Variants in SLFN12 observed in about 807,000 individuals in gnomAD.
The protein encoded by SLFN12 is ribonuclease SLFN12.
A neutral mutation model predicts 29.1 loss-of-function variants in SLFN12; 25 were observed. The observed-to-expected ratio is 0.86, with a 90% CI of 0.63 to 1.20. The LOEUF is 1.20. Among genes scored for constraint, SLFN12 ranks in the 50% most tolerant of loss-of-function variants. SLFN12 has a pLI of 0.00. For missense variants in SLFN12, 660 were observed against 666.2 expected (o/e 0.99, Z 0.10); for synonymous variants, 257 against 238.7 (o/e 1.08, Z -0.71).
At position 35,411,775 on chromosome 17, in the gene SLFN12, A is replaced by C; in HGVS notation, c.1300T>G (p.Leu434Val). 6.2e-7 allele frequency: 1 copy of C among 1,614,084 alleles called. No homozygotes were observed. The highest frequency in any genetic ancestry group is 8.5e-7 in the Non-Finnish European group (1 of 1,180,014). Residue 434 changes from leucine to valine, a missense_variant, in exon 4 of 4, where the codon TTG becomes GTG. Transcript: ENST00000304905. Reference protein sequence around the residue: ...FSRSWSVDLGLQENHKVLCDA... With the variant: ...FSRSWSVDLGVQENHKVLCDA... ...CAGAGGACTTTGTGGTTCTCTTGCA[A>C]GCCCAGATCCACAGACCAGCTCCTA...
intron 2 of SLFN12, among the ~76,000 whole-genome samples, chr17:35,421,741 A>T (rs1036108214): frequency 2.0e-5 from 3 of 151,858 alleles, no homozygotes; most frequent in Non-Finnish European, 4.4e-5. Context: ...GGGTTTCACC[A>T]TCTTAGCCAG....
chr17:35,414,289 T>A (rs1199802398), intron 3 of SLFN12, among the ~76,000 whole-genome samples: 3 of 152,012 alleles, frequency 2.0e-5, no homozygotes, highest in Non-Finnish European at 4.4e-5. Context: ...ATTTTCAGAA[T>A]ACAAAAATCA....
In SLFN12 at chr17:35,412,783, C is replaced by T. The variant is rs17400686; in HGVS notation, c.1148-856G>A. 4.6e-3 allele frequency among the ~76,000 whole-genome samples: 701 copies of T among 151,838 alleles called. 4 individuals are homozygous for T. The highest frequency in any genetic ancestry group is 0.016 in the African/African-American group (655 of 41,428). ...GATCAGAGAAAAAGACTGACAAGTGCTTCAGATATTGTAGTTATCAAAGAG... is the reference window on the plus strand; with the variant it reads ...GATCAGAGAAAAAGACTGACAAGTGTTTCAGATATTGTAGTTATCAAAGAG... On this transcript the variant is annotated intron_variant, in intron 3 of 3. Transcript: ENST00000304905.
intron 1 of SLFN12, among the ~76,000 whole-genome samples, chr17:35,427,009 T>C (rs1597785903): frequency 6.6e-6 from 1 of 152,052 alleles, no homozygotes; most frequent in Admixed American, 6.5e-5. Flanking sequence ...GCAGTGGCTG[T>C]CACTTCTCCT....
At position 35,422,020 on chromosome 17, in the gene SLFN12, AT is replaced by A; in HGVS notation, c.1008del (p.Glu336AspfsTer20). On this transcript the variant is annotated frameshift_variant, in exon 2 of 4. Transcript: ENST00000304905. LOFTEE classifies it high-confidence loss of function. ...TCAGCCTCCACCATGAACTGGATCCATTCCTTCCTGGTCAACTGCATCACAC... is the reference window on the plus strand; with the variant it reads ...TCAGCCTCCACCATGAACTGGATCCATCCTTCCTGGTCAACTGCATCACAC... Reference protein sequence around the residue: ...DNRVMQLTRKEWIQFMVEAEP... With the variant: ...DNRVMQLTRKXWIQFMVEAEP... 2 of 1,614,024 alleles carry A rather than the reference AT, an allele frequency of 1.2e-6. No homozygotes were observed. The highest frequency in any genetic ancestry group is 1.7e-6 in the Non-Finnish European group (2 of 1,179,986).
intron 1 of SLFN12, among the ~76,000 whole-genome samples, chr17:35,431,039 G>T (rs2142053432): frequency 6.6e-6 from 1 of 152,134 alleles, no homozygotes; most frequent in East Asian, 1.9e-4. Context: ...TTCTTTACCT[G>T]GTGAAAATAC....
In SLFN12 at chr17:35,422,681, A is replaced by G. The variant is rs781587136; in HGVS notation, c.348T>C (p.Gly116=). 3.1e-6 allele frequency: 5 copies of G among 1,614,124 alleles called. No individual in the cohort carries two copies. Among genetic ancestry groups the G allele is most frequent in the Non-Finnish European group, 4.2e-6 (5 of 1,180,004 alleles). Residue 116 remains glycine, a synonymous_variant, in exon 2 of 4, where the codon GGT becomes GGC. Coordinates refer to ENST00000304905, the MANE Select transcript of SLFN12 (RefSeq NM_018042.5). ...TGGAGCTCAAGGTGGTAATCCGCAG[A>G]CCAGAGGTGTTCAAGCTCCATGACT... ...FVKSWSLNTS[G]LRITTLSSNL...
chr17:35,420,446 G>C (rs1911561348), intron 2 of SLFN12, 65 bp from the exon 3 acceptor site: 3 of 941,098 alleles, frequency 3.2e-6, no homozygotes, highest in Non-Finnish European at 4.9e-6. Context: ...CTAATGCATA[G>C]TATTATATAT....
At chr17:35,424,858 A>G (rs1911906715) in intron 1 of SLFN12, among the ~76,000 whole-genome samples, 3 of 152,138 alleles carry the variant, frequency 2.0e-5, no homozygotes, top group African/African-American at 7.2e-5. Context: ...ATAAAATCCT[A>G]TATATTGATC....
chr17:35,424,057 TGCTTTA>T (rs970872103), intron 1 of SLFN12, among the ~76,000 whole-genome samples: 20 of 152,280 alleles, frequency 1.3e-4, no homozygotes, highest in Admixed American at 5.9e-4. Flanking sequence ...TAAGACATTG[TGCTTTA>T]GTCTATGTAT....
In SLFN12 at chr17:35,427,809, A is replaced by G. The variant is rs550791002; in HGVS notation, c.-41+4379T>C. Among the ~76,000 whole-genome samples, 64 of 152,258 alleles carry G rather than the reference A, an allele frequency of 4.2e-4. 1 individual carries two copies. The highest frequency in any genetic ancestry group is 1.4e-3 in the African/African-American group (59 of 41,570). ...TATAATTATACTAGAATCTTGACTC[A>G]GTTATTTCAATGTTTGGGTATGCTA... On this transcript the variant is annotated intron_variant, in intron 1 of 3. Transcript: ENST00000304905.
At position 35,411,849 on chromosome 17, in the gene SLFN12, A is replaced by G. The variant is rs775794294; in HGVS notation, c.1226T>C (p.Leu409Ser). Residue 409 changes from leucine (L) to serine (S), a missense_variant, in exon 4 of 4, where the codon TTA (leucine) becomes TCA (serine). Leu to Ser is a moderately radical substitution (Grantham distance 145). Coordinates refer to ENST00000304905, the MANE Select transcript of SLFN12 (RefSeq NM_018042.5). ...LFLQHEGLKQ[L>S]ICEEMDSVRK... is the part of the protein sequence containing the mutation. ...GACAGAGTCCATTTCTTCACATATT[A>G]ATTGCTTAAGTCCTTCATGTTGTAA... is the stretch of plus-strand genomic sequence containing the variant. The G allele has an allele frequency of 2.5e-6, 4 of 1,613,926 alleles. No individual in the cohort carries two copies. Among genetic ancestry groups the G allele is most frequent in the Non-Finnish European group, 3.4e-6 (4 of 1,179,966 alleles).
chr17:35,418,282 T>C (rs545885681), intron 3 of SLFN12, among the ~76,000 whole-genome samples: 41 of 152,216 alleles, frequency 2.7e-4, no homozygotes, highest in African/African-American at 8.2e-4. Flanking sequence ...TCTATAGATA[T>C]ACAGTTGACC....
chr17:35,412,006 A>G, intron 3 of SLFN12, 79 bp from the exon 4 acceptor site: 1 of 1,085,452 alleles, frequency 9.2e-7, no homozygotes, highest in Non-Finnish European at 1.3e-6. Flanking sequence ...AGCTTGTAAA[A>G]AACCAATCTT....
In SLFN12 at chr17:35,416,294, C is replaced by G. The variant is rs548720118; in HGVS notation, c.1147+3980G>C. ...GTATGTTCTCACTCATAAGTGGGAGCTAGGCCATGAGGACACAAAGACTAA... is the reference window on the plus strand; with the variant it reads ...GTATGTTCTCACTCATAAGTGGGAGGTAGGCCATGAGGACACAAAGACTAA... On this transcript the variant is annotated intron_variant, in intron 3 of 3. Transcript: ENST00000304905. 1.5e-3 allele frequency among the ~76,000 whole-genome samples: 234 copies of G among 152,052 alleles called. 8 individuals are homozygous for G. Among genetic ancestry groups the G allele is most frequent in the South Asian group, 6.2e-4 (3 of 4,828 alleles).
chr17:35,426,038 T>C (rs116939676), intron 1 of SLFN12, among the ~76,000 whole-genome samples: 3,624 of 151,824 alleles, frequency 0.024, 109 homozygotes, highest in Admixed American at 0.082. Flanking sequence ...TGCATTTTCC[T>C]GATGATTAGT....
chr17:35,420,513 G>C (rs1911565425), intron 2 of SLFN12, 132 bp from the exon 3 acceptor site: 1 of 584,418 alleles, frequency 1.7e-6, no homozygotes, highest in Admixed American at 3.5e-5. Context: ...GTTAGATATT[G>C]TGGTTAGATT....
chr17:35,425,970 CT>C (rs2142047460), intron 1 of SLFN12, among the ~76,000 whole-genome samples: 1 of 143,416 alleles, frequency 7.0e-6, no homozygotes, highest in African/African-American at 2.6e-5. Flanking sequence ...TATCTCTTGT[CT>C]TTTTTATAAT....
At chr17:35,417,995 T>C (rs1445423139) in intron 3 of SLFN12, among the ~76,000 whole-genome samples, 1 of 152,126 alleles carries the variant, frequency 6.6e-6, no homozygotes, top group Non-Finnish European at 1.5e-5. Flanking sequence ...TTTCCTATAC[T>C]CAAGGATACA....
Sources: gnomAD v4.1 joint callset for allele counts (sites outside exome capture counted in the v4.1 genomes callset) on GRCh38, gnomAD v4.1.1 for gene constraint, MANE v1.5 for transcripts, NCBI Gene and HGNC (gene_info 2026-07-23, HGNC 2026-07-21) for gene names.